The following LRRTM4 variants were observed in gnomAD, a reference collection of about 807,000 sequenced individuals.
LRRTM4 encodes leucine rich repeat transmembrane neuronal 4.
In LRRTM4, 25 loss-of-function variants were observed where a neutral mutation model predicts 47.6. The observed-to-expected ratio is 0.53, with a 90% CI of 0.38 to 0.73. The LOEUF is 0.73. LRRTM4 is among the 30% of genes least tolerant of loss of function. The pLI is 0.00. For missense variants in LRRTM4, 638 were observed against 713.4 expected (o/e 0.89, Z 1.20); for synonymous variants, 311 against 269.5 (o/e 1.15, Z -1.51).
intron 3 of LRRTM4, among the ~76,000 whole-genome samples, chr2:77,153,497 T>G (rs1240064242): frequency 1.3e-5 from 2 of 152,158 alleles, no homozygotes; most frequent in African/African-American, 4.8e-5. Context: ...AAAACCAAGA[T>G]AAATACAGTT....
intron 3 of LRRTM4, among the ~76,000 whole-genome samples, chr2:77,380,954 GATA>G (rs1673029270): frequency 6.6e-6 from 1 of 152,026 alleles, no homozygotes. Context: ...ACAGATAAAA[GATA>G]ATAAACGAAT....
chr2:77,055,612 C>CA (rs1405211447), intron 3 of LRRTM4, among the ~76,000 whole-genome samples: 3 of 152,110 alleles, frequency 2.0e-5, no homozygotes, highest in Non-Finnish European at 4.4e-5. Flanking sequence ...CTAGTTCGAC[C>CA]ATTGTGGAAG....
intron 3 of LRRTM4, among the ~76,000 whole-genome samples, chr2:76,880,791 TACA>T (rs1490968361): frequency 1.3e-5 from 2 of 152,156 alleles, no homozygotes; most frequent in Non-Finnish European, 2.9e-5. Flanking sequence ...CAGTTACAAC[TACA>T]ACAATATCAG....
intron 3 of LRRTM4, among the ~76,000 whole-genome samples, chr2:77,479,015 C>T (rs1677545760): frequency 6.6e-6 from 1 of 152,144 alleles, no homozygotes; most frequent in Non-Finnish European, 1.5e-5. Context: ...CTGCCTCAGC[C>T]TCCTGAGTAG....
intron 3 of LRRTM4, among the ~76,000 whole-genome samples, chr2:77,338,531 C>T (rs1234332932): frequency 2.0e-5 from 3 of 151,740 alleles, no homozygotes; most frequent in Admixed American, 6.6e-5. Flanking sequence ...CAAATCAAAA[C>T]CACAACGAGA....
At chr2:76,893,407 T>C (rs1245508946) in intron 3 of LRRTM4, among the ~76,000 whole-genome samples, 1 of 151,700 alleles carries the variant, frequency 6.6e-6, no homozygotes, top group Non-Finnish European at 1.5e-5. Context: ...TAACTTCTGA[T>C]AACATTAATT....
At chr2:77,188,529 C>T (rs72913929) in intron 3 of LRRTM4, among the ~76,000 whole-genome samples, 90 of 152,062 alleles carry the variant, frequency 5.9e-4, no homozygotes, top group Middle Eastern at 3.4e-3. Flanking sequence ...CTGTTGCAGC[C>T]GACATTTCTA....
intron 3 of LRRTM4, among the ~76,000 whole-genome samples, chr2:76,886,552 T>C (rs1229794659): frequency 6.6e-6 from 1 of 152,108 alleles, no homozygotes; most frequent in South Asian, 2.1e-4. Context: ...GAGATATATA[T>C]TTACTTAAAG....
chr2:76,837,330 G>C (rs2103918018), intron 3 of LRRTM4, among the ~76,000 whole-genome samples: 1 of 152,086 alleles, frequency 6.6e-6, no homozygotes, highest in East Asian at 1.9e-4. Flanking sequence ...CAAAAAACCA[G>C]CTCCTGGATT....
At chr2:76,982,506 T>A (rs1345228768) in intron 3 of LRRTM4, among the ~76,000 whole-genome samples, 1 of 152,060 alleles carries the variant, frequency 6.6e-6, no homozygotes, top group African/African-American at 2.4e-5. Flanking sequence ...CTTTGCAATT[T>A]TTTTGAGCAT....
intron 3 of LRRTM4, among the ~76,000 whole-genome samples, chr2:76,922,537 C>T (rs548307820): frequency 2.0e-5 from 3 of 152,156 alleles, no homozygotes; most frequent in South Asian, 2.1e-4. Context: ...TGGGTGGGGG[C>T]ACAGAGCCAA....
chr2:77,036,174 G>T (rs1678829660), intron 3 of LRRTM4, among the ~76,000 whole-genome samples: 1 of 151,776 alleles, frequency 6.6e-6, no homozygotes, highest in African/African-American at 2.4e-5. Flanking sequence ...CATTATGGTG[G>T]AATGAGGGAC....
chr2:77,023,079 C>A (rs918912861), intron 3 of LRRTM4, among the ~76,000 whole-genome samples: 1 of 152,254 alleles, frequency 6.6e-6, no homozygotes, highest in Non-Finnish European at 1.5e-5. Context: ...GGTTCCCTAA[C>A]CCCAATTCTT....
At chr2:77,122,211 A>C (rs1671537480) in intron 3 of LRRTM4, among the ~76,000 whole-genome samples, 1 of 151,724 alleles carries the variant, frequency 6.6e-6, no homozygotes, top group Non-Finnish European at 1.5e-5. Context: ...AATTGAGTTC[A>C]ATATGTACTG....
intron 3 of LRRTM4, among the ~76,000 whole-genome samples, chr2:77,074,890 G>A (rs777358716): frequency 1.8e-4 from 27 of 148,794 alleles, no homozygotes; most frequent in Non-Finnish European, 3.0e-5. Flanking sequence ...AGTTACATTG[G>A]CAGAGGTTTG....
At chr2:76,892,580 G>C (rs1050535831) in intron 3 of LRRTM4, among the ~76,000 whole-genome samples, 2 of 151,544 alleles carry the variant, frequency 1.3e-5, no homozygotes, top group African/African-American at 4.8e-5. Context: ...ACAGTAATAT[G>C]TATCAGGAAT....
At chr2:77,345,495 G>A (rs1169130922) in intron 3 of LRRTM4, among the ~76,000 whole-genome samples, 1 of 151,854 alleles carries the variant, frequency 6.6e-6, no homozygotes, top group African/African-American at 2.4e-5. Flanking sequence ...CAAAATATTA[G>A]AAAAGACAAC....
intron 3 of LRRTM4, among the ~76,000 whole-genome samples, chr2:77,466,379 GT>G (rs1394862764): frequency 6.6e-6 from 1 of 152,148 alleles, no homozygotes; most frequent in Non-Finnish European, 1.5e-5. Context: ...CTGAGTGTAA[GT>G]TTTTCAAGTT....
At chr2:77,340,093 C>T (rs1671315481) in intron 3 of LRRTM4, among the ~76,000 whole-genome samples, 1 of 151,870 alleles carries the variant, frequency 6.6e-6, no homozygotes. Flanking sequence ...AACATATTTT[C>T]AATGCAGTTT....
Sources: gnomAD v4.1 joint callset for allele counts (sites outside exome capture counted in the v4.1 genomes callset) on GRCh38, gnomAD v4.1.1 for gene constraint, MANE v1.5 for transcripts, NCBI Gene and HGNC (gene_info 2026-07-23, HGNC 2026-07-21) for gene names.